Variants in KIAA1217 observed in about 807,000 individuals in gnomAD.
KIAA1217 encodes the protein KIAA1217.
A neutral mutation model predicts 163.9 loss-of-function variants in KIAA1217; 88 were observed. That is an observed-to-expected ratio of 0.54 (90% CI 0.45 to 0.64). The LOEUF (loss-of-function observed/expected upper bound fraction) is 0.64. Ranked by LOEUF, KIAA1217 falls within the 30% of genes least tolerant of loss-of-function variation. The pLI is 0.00. For missense variants in KIAA1217, 2,372 were observed against 2,475.0 expected (o/e 0.96, Z 0.88); for synonymous variants, 903 against 923.1 (o/e 0.98, Z 0.39).
At chr10:24,031,761 G>A (rs2131539019) in intron 2 of KIAA1217, among the ~76,000 whole-genome samples, 1 of 152,180 alleles carries the variant, frequency 6.6e-6, no homozygotes. Flanking sequence ...GAGTAAAGAG[G>A]GAAAATGGAA....
At chr10:24,096,583 G>A (rs1418040556) in intron 2 of KIAA1217, among the ~76,000 whole-genome samples, 2 of 152,082 alleles carry the variant, frequency 1.3e-5, no homozygotes, top group South Asian at 4.2e-4. Context: ...CTGGCCCCTG[G>A]TGACCTCCCC....
chr10:24,447,397 C>T (rs1448581019), intron 5 of KIAA1217, among the ~76,000 whole-genome samples: 1 of 152,110 alleles, frequency 6.6e-6, no homozygotes, highest in Non-Finnish European at 1.5e-5. Context: ...TCCTCCCACC[C>T]CACAACAGGC....
intron 1 of KIAA1217, among the ~76,000 whole-genome samples, chr10:23,699,306 C>T (rs12249106): frequency 0.019 from 2,865 of 152,300 alleles, 98 homozygotes; most frequent in African/African-American, 0.065. Context: ...CACCAATGTA[C>T]ATCAAAGAAT....
chr10:24,506,142 A>T (rs1337027651), intron 9 of KIAA1217, among the ~76,000 whole-genome samples: 1 of 152,212 alleles, frequency 6.6e-6, no homozygotes, highest in East Asian at 1.9e-4. Flanking sequence ...AACATGGGTT[A>T]TATAGCTGTG....
intron 17 of KIAA1217, among the ~76,000 whole-genome samples, chr10:24,539,672 G>A (rs978592321): frequency 6.6e-6 from 1 of 152,122 alleles, no homozygotes; most frequent in Non-Finnish European, 1.5e-5. Context: ...AGTCACAGGT[G>A]CTTATTCTGG....
chr10:24,507,449 A>C (rs1020054427), intron 9 of KIAA1217, among the ~76,000 whole-genome samples: 20 of 152,344 alleles, frequency 1.3e-4, no homozygotes, highest in African/African-American at 4.6e-4. Context: ...GAACATAATG[A>C]GGAAAGAAAT....
chr10:23,732,673 T>G (rs775686046), intron 1 of KIAA1217, among the ~76,000 whole-genome samples: 2 of 152,162 alleles, frequency 1.3e-5, no homozygotes, highest in African/African-American at 2.4e-5. Flanking sequence ...ATTTTTTTCC[T>G]CTACTTACTT....
intron 7 of KIAA1217, chr10:24,494,934 C>A: frequency 1.7e-6 from 1 of 589,654 alleles, no homozygotes; most frequent in Non-Finnish European, 3.0e-6. Flanking sequence ...CTGAAAGTCA[C>A]AAGTGAGCCT....
rs979762155 is a variant in KIAA1217, at chr10:24,468,268, A to G, written c.847-4960A>G. Among the ~76,000 whole-genome samples the G allele has an allele frequency of 6.6e-5, 10 of 152,264 alleles. 1 individual carries two copies. The highest frequency in any genetic ancestry group is 2.0e-4 in the Admixed American group (3 of 15,296). Reference sequence around the variant, plus strand: ...CCCTGTCTTTTATGGTAGGATTCCCAAGTTGTCTGATCGTAAGGGTTCATT... The same window carrying G: ...CCCTGTCTTTTATGGTAGGATTCCCGAGTTGTCTGATCGTAAGGGTTCATT... On this transcript the variant is annotated intron_variant, in intron 5 of 20. Transcript: ENST00000376454.
At chr10:24,191,205 T>C (rs144441550) in intron 2 of KIAA1217, among the ~76,000 whole-genome samples, 1 of 152,080 alleles carries the variant, frequency 6.6e-6, no homozygotes, top group Admixed American at 6.6e-5. Context: ...AAAAGATCAG[T>C]CACCTTGTAC....
chr10:24,316,697 C>T (rs1318452278), intron 2 of KIAA1217, among the ~76,000 whole-genome samples: 1 of 152,108 alleles, frequency 6.6e-6, no homozygotes, highest in East Asian at 1.9e-4. Flanking sequence ...TACCCCATCC[C>T]ATTTCTGTCC....
chr10:24,494,948 T>G (rs2066600927), intron 7 of KIAA1217, 199 bp from the exon 8 acceptor site: 1 of 593,902 alleles, frequency 1.7e-6, no homozygotes, highest in Non-Finnish European at 2.9e-6. Context: ...TGAGCCTGGC[T>G]GCATTCCACC....
intron 3 of KIAA1217, among the ~76,000 whole-genome samples, chr10:24,395,978 G>A (rs551459342): frequency 6.6e-6 from 1 of 152,240 alleles, no homozygotes; most frequent in African/African-American, 2.4e-5. Flanking sequence ...CCAGCCTATA[G>A]GAGCCTTCTT....
intron 1 of KIAA1217, among the ~76,000 whole-genome samples, chr10:23,722,581 A>G (rs1315192309): frequency 6.6e-6 from 1 of 152,202 alleles, no homozygotes; most frequent in African/African-American, 2.4e-5. Flanking sequence ...CTTCTTAAAT[A>G]TAGTCTGTTT....
intron 1 of KIAA1217, among the ~76,000 whole-genome samples, chr10:23,937,515 C>T (rs1232291963): frequency 1.3e-5 from 2 of 152,146 alleles, no homozygotes; most frequent in South Asian, 2.1e-4. Context: ...ATTCTGTTCA[C>T]CAGAATCTGC....
intron 3 of KIAA1217, among the ~76,000 whole-genome samples, chr10:24,423,610 C>T (rs1284329800): frequency 6.6e-6 from 1 of 152,200 alleles, no homozygotes; most frequent in Non-Finnish European, 1.5e-5. Flanking sequence ...CAGGCATGCA[C>T]CACCACACCC....
At chr10:24,118,245 T>A (rs2063139544) in intron 2 of KIAA1217, among the ~76,000 whole-genome samples, 1 of 151,436 alleles carries the variant, frequency 6.6e-6, no homozygotes, top group Non-Finnish European at 1.5e-5. Flanking sequence ...TGAGGTAAGA[T>A]GTGGTTGCAA....
intron 2 of KIAA1217, among the ~76,000 whole-genome samples, chr10:24,146,973 A>C (rs149576201): frequency 1.3e-3 from 190 of 151,498 alleles, no homozygotes; most frequent in Admixed American, 2.0e-3. Flanking sequence ...CCGTGTTCCT[A>C]AGAATCACTT....
chr10:24,044,360 A>C (rs942415845), intron 2 of KIAA1217, among the ~76,000 whole-genome samples: 18 of 152,084 alleles, frequency 1.2e-4, no homozygotes, highest in African/African-American at 4.3e-4. Context: ...TGTCCTCCTC[A>C]CTAAGATTTT....
Sources: allele counts gnomAD v4.1 joint callset (sites outside exome capture counted in the v4.1 genomes callset), GRCh38; gene constraint gnomAD v4.1.1; transcripts MANE v1.5; gene names NCBI Gene and HGNC (gene_info 2026-07-23, HGNC 2026-07-21).